The following BBS9 variants were observed in gnomAD, a reference collection of about 807,000 sequenced individuals.
The protein encoded by BBS9 is Bardet-Biedl syndrome 9, also known as protein PTHB1.
Under a neutral mutation model 117.7 loss-of-function variants are expected in BBS9, and 89 were observed. The observed-to-expected ratio is 0.76, with a 90% CI of 0.64 to 0.90. The LOEUF (loss-of-function observed/expected upper bound fraction) is 0.90. BBS9 is among the 40% of genes least tolerant of loss of function. The pLI, the probability that BBS9 is intolerant of heterozygous loss-of-function variation, is 0.00. For synonymous variants in BBS9, 379 were observed against 370.9 expected (o/e 1.02, Z -0.25); for missense variants, 982 against 1,042.2 (o/e 0.94, Z 0.80).
chr7:33,251,420 C>T (rs1796204756), intron 5 of BBS9, among the ~76,000 whole-genome samples: 1 of 152,086 alleles, frequency 6.6e-6, no homozygotes, highest in African/African-American at 2.4e-5. Context: ...TTGCCTCAAG[C>T]TTAGAGTGAG....
chr7:33,525,096 G>A (rs923121943), intron 20 of BBS9, among the ~76,000 whole-genome samples: 1 of 152,130 alleles, frequency 6.6e-6, no homozygotes, highest in Non-Finnish European at 1.5e-5. Context: ...TAGTTTGATT[G>A]CACTGTGGTC....
At chr7:33,518,836 A>T (rs1209241434) in intron 20 of BBS9, among the ~76,000 whole-genome samples, 1 of 152,184 alleles carries the variant, frequency 6.6e-6, no homozygotes, top group Non-Finnish European at 1.5e-5. Flanking sequence ...TCTTAGCTTG[A>T]TAGCTGTGAA....
chr7:33,447,339 A>T (rs1384069262), intron 19 of BBS9, among the ~76,000 whole-genome samples: 1 of 152,222 alleles, frequency 6.6e-6, no homozygotes, highest in Non-Finnish European at 1.5e-5. Flanking sequence ...TAGATGTCAG[A>T]GGAAGACAGT....
chr7:33,318,562 TAA>T (rs1244277431), intron 9 of BBS9, among the ~76,000 whole-genome samples: 1 of 152,130 alleles, frequency 6.6e-6, no homozygotes, highest in Admixed American at 6.5e-5. Flanking sequence ...ACTTTTTAAA[TAA>T]AAATTATTAT....
chr7:33,391,592 T>C lies in BBS9; in HGVS notation c.2115+3448T>C, dbSNP rs189219148. Among the ~76,000 whole-genome samples the C allele has an allele frequency of 1.4e-4, 21 of 152,354 alleles. 1 individual carries two copies. Among genetic ancestry groups the C allele is most frequent in the African/African-American group, 4.6e-4 (19 of 41,586 alleles). On this transcript the variant is annotated intron_variant, in intron 19 of 22. Coordinates refer to ENST00000242067, the MANE Select transcript of BBS9 (RefSeq NM_198428.3). ...GTAATTTGATTGTTGTTTTACTTCT[T>C]ACCTCTTTTGTTGCTTACCAGAGAT... is the stretch of plus-strand genomic sequence containing the variant.
At chr7:33,384,124 AG>A (rs1246147803) in intron 18 of BBS9, among the ~76,000 whole-genome samples, 2 of 152,218 alleles carry the variant, frequency 1.3e-5, no homozygotes, top group Admixed American at 6.5e-5. Context: ...CCAATAACCC[AG>A]TGTTAAAACT....
At chr7:33,582,950 C>G (rs940771803) in intron 21 of BBS9, among the ~76,000 whole-genome samples, 23 of 152,224 alleles carry the variant, frequency 1.5e-4, no homozygotes, top group Admixed American at 4.6e-4. Flanking sequence ...ACTGCTGGTC[C>G]AGAACTAAGT....
At chr7:33,553,978 T>C (rs1854879768) in intron 21 of BBS9, among the ~76,000 whole-genome samples, 2 of 151,876 alleles carry the variant, frequency 1.3e-5, no homozygotes. Context: ...CTACTTTCGA[T>C]AGGGTGATTG....
At chr7:33,553,144 G>T (rs114366134) in intron 21 of BBS9, among the ~76,000 whole-genome samples, 2 of 152,154 alleles carry the variant, frequency 1.3e-5, no homozygotes, top group Non-Finnish European at 2.9e-5. Context: ...ACTTAAAGAT[G>T]GCTTTTCTGT....
intron 21 of BBS9, among the ~76,000 whole-genome samples, chr7:33,589,055 C>T (rs1367609327): frequency 2.6e-5 from 4 of 152,134 alleles, no homozygotes; most frequent in African/African-American, 9.7e-5. Context: ...TGAGAATAGA[C>T]TATAGTGGGG....
At position 33,604,953 on chromosome 7, in the gene BBS9, C is replaced by A; in HGVS notation, c.2610C>A (p.Leu870=). 1 of 1,612,108 alleles carries A rather than the reference C, an allele frequency of 6.2e-7. No individual in the cohort carries two copies. The highest frequency in any genetic ancestry group is 8.5e-7 in the Non-Finnish European group (1 of 1,178,248). ...STELFTNHRH[L]TAETPRPEVS... is the part of the protein sequence containing the mutation. ...AACTGTTTACCAACCACAGACATCT[C>A]ACTGCAGAGACACCCAGGCCTGGTA... is the stretch of plus-strand genomic sequence containing the variant. The change falls in exon 22 of 23, where the codon CTC becomes CTA. Residue 870 remains leucine, a synonymous_variant. Transcript: ENST00000242067.
In BBS9 at chr7:33,529,636, A is replaced by G. The variant is rs1319397370; in HGVS notation, c.2299-4318A>G. On this transcript the variant is annotated intron_variant, in intron 20 of 22. Transcript: ENST00000242067. ...CCTCTCCCATCCCCTTCCCTTCCCC[A>G]GTTGCCTCCCACTCCCCCACCGCTG... 2.2e-4 allele frequency among the ~76,000 whole-genome samples: 19 copies of G among 87,692 alleles called. No individual in the cohort carries two copies. The Admixed American group carries it at 2.5e-3, about 12-fold the overall frequency. The allele number at this position is 87,692 out of a possible 152,430, so 57.5% of individuals were successfully genotyped here. A position where few individuals can be genotyped will look rare whatever the true frequency, so the allele number is the denominator to read the frequency against.
rs183429625 is a variant in BBS9 at position 33,210,739 on chromosome 7, A to G, written c.442+33148A>G. On this transcript the variant is annotated intron_variant, in intron 5 of 22. Transcript: ENST00000242067. ...TTTTTAGTAGAGACGTGGTTTCACC[A>G]TGTTGATCAGGCTGGTCTTGAACTC... Among the ~76,000 whole-genome samples, 260 of 152,164 alleles carry G rather than the reference A, an allele frequency of 1.7e-3. 1 individual carries two copies. Among genetic ancestry groups the G allele is most frequent in the African/African-American group, 6.0e-3 (249 of 41,526 alleles).
intron 12 of BBS9, among the ~76,000 whole-genome samples, chr7:33,348,545 A>T (rs1397601717): frequency 6.6e-6 from 1 of 152,102 alleles, no homozygotes; most frequent in Non-Finnish European, 1.5e-5. Flanking sequence ...TTTGTGTATA[A>T]GATTTTGGGT....
intron 9 of BBS9, among the ~76,000 whole-genome samples, chr7:33,314,909 G>C (rs74695992): frequency 2.0e-3 from 299 of 152,240 alleles, no homozygotes; most frequent in Non-Finnish European, 2.1e-3. Flanking sequence ...CTTTGGGAGA[G>C]AGAATTTTTA....
chr7:33,363,933 TA>T (rs1821135706), intron 16 of BBS9, among the ~76,000 whole-genome samples: 1 of 102,472 alleles, frequency 9.8e-6, no homozygotes, highest in East Asian at 2.8e-4. Flanking sequence ...ACTATATTTT[TA>T]TTTTTTTTTT....
chr7:33,345,004 A>G (rs188735984), intron 12 of BBS9, among the ~76,000 whole-genome samples: 2 of 152,332 alleles, frequency 1.3e-5, no homozygotes. Context: ...CATACATAGT[A>G]TACTGTGAAT....
At chr7:33,327,572 A>G (rs1407419437) in intron 9 of BBS9, among the ~76,000 whole-genome samples, 2 of 152,128 alleles carry the variant, frequency 1.3e-5, no homozygotes, top group African/African-American at 4.8e-5. Flanking sequence ...GTTGGCATGC[A>G]TCTATAGTCC....
At position 33,273,932 on chromosome 7, in the gene BBS9, T is replaced by C; in HGVS notation, c.992T>C (p.Val331Ala). 6.2e-7 allele frequency: 1 copy of C among 1,613,714 alleles called. No individual in the cohort carries two copies. Residue 331 changes from valine to alanine, a missense_variant, in exon 9 of 23, where the codon GTA (valine) becomes GCA (alanine). Physicochemically the swap from Val to Ala is moderately conservative, Grantham distance 64. Coordinates refer to ENST00000242067, the MANE Select transcript of BBS9 (RefSeq NM_198428.3). ...GCCACCCAACTTCCCCACATTCCTG[T>C]AGCAGTAAGAGTGGGCTGTTTGCAG... Reference protein sequence around the residue: ...KWATQLPHIPVAVRVGCLHDL... With the variant: ...KWATQLPHIPAAVRVGCLHDL...
Sources: allele counts gnomAD v4.1 joint callset (sites outside exome capture counted in the v4.1 genomes callset), GRCh38; gene constraint gnomAD v4.1.1; transcripts MANE v1.5; gene names NCBI Gene and HGNC (gene_info 2026-07-23, HGNC 2026-07-21).